TBC1D22A: variants seen among roughly 807,000 people sequenced by gnomAD.
The protein encoded by TBC1D22A is TBC1 domain family member 22A.
Under a neutral mutation model 60.2 loss-of-function variants are expected in TBC1D22A, and 38 were observed. The ratio of observed to expected loss-of-function variants is 0.63; its 90% CI spans 0.49 to 0.83. The LOEUF is 0.83. Ranked by LOEUF, TBC1D22A falls within the 40% of genes least tolerant of loss-of-function variation. The pLI, the probability that TBC1D22A is intolerant of heterozygous loss-of-function variation, is 0.00. For synonymous variants in TBC1D22A, 302 were observed against 281.7 expected, an observed-to-expected ratio of 1.07 and a Z score of -0.72; for missense variants, 628 against 701.0, an observed-to-expected ratio of 0.90 and a Z score of 1.18.
chr22:47,132,732 C>T (rs1247930513), intron 12 of TBC1D22A, among the ~76,000 whole-genome samples: 4 of 152,254 alleles, frequency 2.6e-5, no homozygotes, highest in Admixed American at 2.6e-4. Context: ...ATGGCCCCAC[C>T]TTGTACAGCA....
chr22:47,139,564 C>T (rs563401505), intron 12 of TBC1D22A, among the ~76,000 whole-genome samples: 2 of 152,248 alleles, frequency 1.3e-5, no homozygotes. Flanking sequence ...TCGGCTCCCC[C>T]TCCTGTGTTC....
intron 11 of TBC1D22A, among the ~76,000 whole-genome samples, chr22:47,039,933 G>GC (rs2062782572): frequency 1.0e-5 from 1 of 95,882 alleles, no homozygotes; most frequent in South Asian, 3.7e-4. Context: ...AGGTGCCACA[G>GC]CCTTTTTTTT....
chr22:47,091,480 G>A (rs1397049876), intron 11 of TBC1D22A, among the ~76,000 whole-genome samples: 21 of 148,416 alleles, frequency 1.4e-4, no homozygotes, highest in African/African-American at 5.2e-4. Flanking sequence ...TCTTTGCTGG[G>A]GAGTGGCCTC....
chr22:46,807,190 G>A (rs1254759042), intron 4 of TBC1D22A, among the ~76,000 whole-genome samples: 1 of 152,156 alleles, frequency 6.6e-6, no homozygotes, highest in Non-Finnish European at 1.5e-5. Flanking sequence ...TGGAACGATG[G>A]AGGATCAACA....
chr22:46,878,348 A>AGAGAAGGAGGTG (rs1569164122), intron 4 of TBC1D22A, among the ~76,000 whole-genome samples: 3 of 3,688 alleles, frequency 8.1e-4, no homozygotes, highest in African/African-American at 1.1e-3. Context: ...GTGGGAGGGA[A>AGAGAAGGAGGTG]GGAGGCCAGT....
chr22:46,862,728 A>G (rs557487155), intron 4 of TBC1D22A, among the ~76,000 whole-genome samples: 20 of 152,180 alleles, frequency 1.3e-4, no homozygotes, highest in Middle Eastern at 3.4e-3. Flanking sequence ...CCCTGTAGCC[A>G]TAGAGAAGCA....
intron 4 of TBC1D22A, among the ~76,000 whole-genome samples, chr22:46,821,772 A>G (rs1411103730): frequency 6.6e-6 from 1 of 151,962 alleles, no homozygotes; most frequent in Non-Finnish European, 1.5e-5. Context: ...CCGAATTTAC[A>G]TGTTGGCCCG....
At chr22:47,033,045 C>CT (rs111518417) in intron 10 of TBC1D22A, among the ~76,000 whole-genome samples, 4,551 of 152,340 alleles carry the variant, frequency 0.03, 113 homozygotes, top group South Asian at 0.087. Context: ...GAAGCTCATT[C>CT]TTTTTTCTGT....
chr22:46,838,860 C>G (rs2086631545), intron 4 of TBC1D22A, among the ~76,000 whole-genome samples: 1 of 152,108 alleles, frequency 6.6e-6, no homozygotes, highest in South Asian at 2.1e-4. Flanking sequence ...AACATCTTTT[C>G]TTGATAAAAC....
At chr22:47,126,867 C>G (rs953937499) in intron 12 of TBC1D22A, among the ~76,000 whole-genome samples, 1 of 152,224 alleles carries the variant, frequency 6.6e-6, no homozygotes, top group African/African-American at 2.4e-5. Context: ...CTCTGAACTT[C>G]TCGTCCAGAA....
intron 4 of TBC1D22A, among the ~76,000 whole-genome samples, chr22:46,836,714 A>C (rs777007147): frequency 3.4e-4 from 52 of 152,216 alleles, no homozygotes; most frequent in Non-Finnish European, 1.3e-4. Context: ...AACAAGATCC[A>C]ACAATATACT....
chr22:46,933,598 C>T (rs1180803967), intron 8 of TBC1D22A, among the ~76,000 whole-genome samples: 1 of 151,598 alleles, frequency 6.6e-6, no homozygotes, highest in Non-Finnish European at 1.5e-5. Flanking sequence ...CTATTTAATT[C>T]TGAGGACAGA....
intron 8 of TBC1D22A, among the ~76,000 whole-genome samples, chr22:46,952,168 TATCCCTCAC>T (rs1444657477): frequency 7.9e-6 from 1 of 127,242 alleles, no homozygotes; most frequent in Admixed American, 8.0e-5. Flanking sequence ...GCAGCCATCA[TATCCCTCAC>T]AGCATGTCCA....
chr22:46,869,696 G>A (rs939632997), intron 4 of TBC1D22A, among the ~76,000 whole-genome samples: 4 of 152,222 alleles, frequency 2.6e-5, no homozygotes, highest in Admixed American at 1.3e-4. Context: ...CCACATGTAA[G>A]CCTAAGTGAT....
intron 8 of TBC1D22A, among the ~76,000 whole-genome samples, chr22:46,945,349 C>G (rs136061): frequency 0.23 from 34,997 of 152,102 alleles, 4,123 homozygotes; most frequent in East Asian, 0.25. Context: ...CCTGTTTGAC[C>G]GTTGTGGTGG....
intron 11 of TBC1D22A, among the ~76,000 whole-genome samples, chr22:47,074,828 G>A (rs968752008): frequency 1.3e-5 from 2 of 152,132 alleles, no homozygotes; most frequent in South Asian, 4.2e-4. Context: ...TGGCTGCGAG[G>A]GTCCTTTTCA....
In TBC1D22A at chr22:46,763,899, A is replaced by C. The variant is rs2083196880; in HGVS notation, c.62+1051A>C. 3 of 152,326 alleles carry C rather than the reference A, an allele frequency of 2.0e-5. No individual in the cohort carries two copies. In the Middle Eastern group the frequency reaches 0.01, roughly 518 times the overall value. 9.4% of individuals were successfully genotyped at this position (152,326 alleles called of 1,614,324 possible). The stretch of plus-strand genomic sequence containing the variant: ...CACCTGAGGTCAGGAGTTTGAGACC[A>C]GCCTCACCAACATGGAGAAACCTAG... On this transcript the variant is annotated intron_variant, in intron 1 of 12. Coordinates refer to ENST00000337137, the MANE Select transcript of TBC1D22A (RefSeq NM_014346.5).
At chr22:46,783,052 A>G (rs537248309) in intron 1 of TBC1D22A, among the ~76,000 whole-genome samples, 1 of 152,238 alleles carries the variant, frequency 6.6e-6, no homozygotes, top group East Asian at 1.9e-4. Flanking sequence ...GCAGCTGCCC[A>G]TTTTTAATTT....
At chr22:46,971,422 C>G (rs547433588) in intron 8 of TBC1D22A, among the ~76,000 whole-genome samples, 1 of 152,294 alleles carries the variant, frequency 6.6e-6, no homozygotes, top group Admixed American at 6.5e-5. Flanking sequence ...GAGGATACGT[C>G]GATGGGAAAC....
Sources: gnomAD v4.1 joint callset for allele counts (sites outside exome capture counted in the v4.1 genomes callset) on GRCh38, gnomAD v4.1.1 for gene constraint, MANE v1.5 for transcripts, NCBI Gene and HGNC (gene_info 2026-07-23, HGNC 2026-07-21) for gene names.